BCKDHB: variants seen among roughly 807,000 people sequenced by gnomAD.
BCKDHB encodes the protein 2-oxoisovalerate dehydrogenase subunit beta, mitochondrial.
In BCKDHB, 41 loss-of-function variants were observed where a neutral mutation model predicts 48.5. The observed-to-expected ratio is 0.85, with a 90% CI of 0.66 to 1.10. The LOEUF (loss-of-function observed/expected upper bound fraction) is 1.10. Among genes scored for constraint, BCKDHB ranks in the 50% least tolerant of loss-of-function variants. BCKDHB has a pLI of 0.00. For synonymous variants in BCKDHB, 201 were observed against 174.8 expected (o/e 1.15, Z -1.18); for missense variants, 496 against 494.2 (o/e 1.00, Z -0.03).
At chr6:80,404,963 G>A in the BCKDHB span, among the ~76,000 whole-genome samples, 1 of 152,036 alleles carries the variant, frequency 6.6e-6, no homozygotes, top group South Asian at 2.1e-4. Context: ...CCTGCCGTAT[G>A]ATCTATTCCA....
At chr6:80,424,769 A>T in the BCKDHB span, among the ~76,000 whole-genome samples, 17 of 152,198 alleles carry the variant, frequency 1.1e-4, no homozygotes, top group Non-Finnish European at 2.4e-4. Flanking sequence ...ACAGAAAGCA[A>T]TTAGAATTTT....
chr6:80,230,244 T>C (rs1002106550), intron 8 of BCKDHB, among the ~76,000 whole-genome samples: 18 of 151,340 alleles, frequency 1.2e-4, no homozygotes, highest in African/African-American at 3.2e-4. Flanking sequence ...TTCACCGTGT[T>C]AGCCAGGATG....
the BCKDHB span, among the ~76,000 whole-genome samples, chr6:80,438,231 T>G: frequency 6.6e-6 from 1 of 152,270 alleles, no homozygotes; most frequent in African/African-American, 2.4e-5. Flanking sequence ...ATTTGCACAC[T>G]GTTCTGCAAC....
the BCKDHB span, among the ~76,000 whole-genome samples, chr6:80,373,310 T>A: frequency 6.9e-6 from 1 of 144,370 alleles, no homozygotes; most frequent in Non-Finnish European, 1.5e-5. Flanking sequence ...GTTTCATTTC[T>A]AATTGAGCTA....
At chr6:80,296,863 C>A (rs1767284164) in intron 9 of BCKDHB, among the ~76,000 whole-genome samples, 2 of 152,146 alleles carry the variant, frequency 1.3e-5, no homozygotes, top group African/African-American at 2.4e-5. Context: ...AATTATTTAA[C>A]CTTTTAATCT....
intron 9 of BCKDHB, among the ~76,000 whole-genome samples, chr6:80,290,696 G>A (rs1240494028): frequency 6.6e-6 from 1 of 152,148 alleles, no homozygotes; most frequent in Non-Finnish European, 1.5e-5. Flanking sequence ...TCTCTTGCAA[G>A]AAAGAATTCA....
intron 9 of BCKDHB, among the ~76,000 whole-genome samples, chr6:80,295,221 A>G (rs749362608): frequency 6.6e-6 from 1 of 152,190 alleles, no homozygotes; most frequent in Non-Finnish European, 1.5e-5. Context: ...TTACTGTATT[A>G]GTGTGTTCTC....
the BCKDHB span, among the ~76,000 whole-genome samples, chr6:80,444,862 T>G: frequency 6.6e-6 from 1 of 152,244 alleles, no homozygotes; most frequent in Non-Finnish European, 1.5e-5. Flanking sequence ...TCAGAAATGT[T>G]AGTGCATATT....
At chr6:80,141,490 A>G (rs1262171889) in intron 3 of BCKDHB, among the ~76,000 whole-genome samples, 1 of 152,116 alleles carries the variant, frequency 6.6e-6, no homozygotes, top group East Asian at 1.9e-4. Context: ...TGATTACACA[A>G]TAAATGTTAG....
the BCKDHB span, among the ~76,000 whole-genome samples, chr6:80,377,641 A>C: frequency 9.9e-5 from 15 of 152,220 alleles, no homozygotes; most frequent in African/African-American, 3.4e-4. Flanking sequence ...AGTTGACCAT[A>C]GATGTATGGA....
At chr6:80,384,211 C>G in the BCKDHB span, among the ~76,000 whole-genome samples, 1 of 152,134 alleles carries the variant, frequency 6.6e-6, no homozygotes, top group African/African-American at 2.4e-5. Flanking sequence ...ACCATCTAAT[C>G]AGCTGCCAGC....
the BCKDHB span, among the ~76,000 whole-genome samples, chr6:80,428,478 A>G: frequency 6.6e-6 from 1 of 151,768 alleles, no homozygotes; most frequent in East Asian, 1.9e-4. Context: ...ACTAATTTAC[A>G]CTCCCACCAA....
chr6:80,374,528 T>C, the BCKDHB span: 2 of 726,292 alleles, frequency 2.8e-6, no homozygotes, highest in Middle Eastern at 4.1e-4. Context: ...TTGATTTGCA[T>C]GATTTTGTGG....
the BCKDHB span, among the ~76,000 whole-genome samples, chr6:80,403,071 T>C: frequency 2.0e-5 from 3 of 151,798 alleles, no homozygotes; most frequent in African/African-American, 7.2e-5. Context: ...TCGATAATAC[T>C]GCTTTTGCTA....
the BCKDHB span, among the ~76,000 whole-genome samples, chr6:80,402,903 T>A: frequency 1.3e-5 from 2 of 151,784 alleles, no homozygotes; most frequent in African/African-American, 4.8e-5. Context: ...TGTCAAAGAT[T>A]AGTTGATCAG....
At chr6:80,462,330 G>C in the BCKDHB span, among the ~76,000 whole-genome samples, 1 of 152,142 alleles carries the variant, frequency 6.6e-6, no homozygotes, top group Non-Finnish European at 1.5e-5. Context: ...TTTCTCAATA[G>C]TTGGTACATG....
chr6:80,106,953 G>T, intron 1 of BCKDHB, 64 bp downstream of exon 1: 1 of 1,547,750 alleles, frequency 6.5e-7, no homozygotes, highest in South Asian at 1.2e-5. Context: ...GCAGGCGCCC[G>T]CGAGGGGCAG....
chr6:80,190,586 G>A (rs79710592), intron 6 of BCKDHB, among the ~76,000 whole-genome samples: 17 of 152,182 alleles, frequency 1.1e-4, no homozygotes, highest in African/African-American at 2.9e-4. Context: ...GTGCTTAAAC[G>A]TGCCTAATAT....
At chr6:80,419,428 G>A in the BCKDHB span, among the ~76,000 whole-genome samples, 1 of 152,176 alleles carries the variant, frequency 6.6e-6, no homozygotes, top group African/African-American at 2.4e-5. Flanking sequence ...AGCTGCTTGT[G>A]TCAGACTGAC....
Sources: allele counts gnomAD v4.1 joint callset (sites outside exome capture counted in the v4.1 genomes callset), GRCh38; gene constraint gnomAD v4.1.1; transcripts MANE v1.5; gene names NCBI Gene and HGNC (gene_info 2026-07-23, HGNC 2026-07-21).